ACER3: variants seen among roughly 807,000 people sequenced by gnomAD.
The protein encoded by ACER3 is alkCDase 3.
Under a neutral mutation model 48.9 loss-of-function variants are expected in ACER3, and 16 were observed. The ratio of observed to expected loss-of-function variants is 0.33; its 90% CI spans 0.22 to 0.50. The LOEUF (loss-of-function observed/expected upper bound fraction) is 0.50. Among genes scored for constraint, ACER3 ranks in the 20% least tolerant of loss-of-function variants. The pLI, the probability that ACER3 is intolerant of heterozygous loss-of-function variation, is 0.98. For missense variants in ACER3, 227 were observed against 326.0 expected, an observed-to-expected ratio of 0.70 and a Z score of 2.34; for synonymous variants, 109 against 107.8, an observed-to-expected ratio of 1.01 and a Z score of -0.07.
intron 2 of ACER3, among the ~76,000 whole-genome samples, chr11:76,939,679 A>G (rs1947287933): frequency 6.6e-6 from 1 of 152,216 alleles, no homozygotes; most frequent in Non-Finnish European, 1.5e-5. Flanking sequence ...ACATCATTAT[A>G]CAGTATTATT....
chr11:76,903,360 A>C (rs1320147165), intron 1 of ACER3, among the ~76,000 whole-genome samples: 1 of 152,164 alleles, frequency 6.6e-6, no homozygotes, highest in Non-Finnish European at 1.5e-5. Flanking sequence ...GCAAAAAAGG[A>C]AATGCAACAC....
At chr11:76,863,426 A>G (rs933437975) in intron 1 of ACER3, among the ~76,000 whole-genome samples, 1 of 152,136 alleles carries the variant, frequency 6.6e-6, no homozygotes, top group Non-Finnish European at 1.5e-5. Context: ...CAAGAAGAGG[A>G]TGAGTGAATG....
chr11:76,901,417 TTG>T (rs1946079750), intron 1 of ACER3, among the ~76,000 whole-genome samples: 1 of 152,220 alleles, frequency 6.6e-6, no homozygotes, highest in Non-Finnish European at 1.5e-5. Context: ...GAAGCTGGTT[TTG>T]TCTTTTCCCT....
intron 1 of ACER3, among the ~76,000 whole-genome samples, chr11:76,902,979 G>A (rs145924567): frequency 1.4e-3 from 217 of 152,194 alleles, no homozygotes; most frequent in African/African-American, 5.0e-3. Flanking sequence ...AAGTATATGT[G>A]TAAGTTTCGA....
Position 76,908,148 on chromosome 11 carries a change from A to G in ACER3, c.104-18409A>G, listed in dbSNP as rs373121344. Among the ~76,000 whole-genome samples, 13 of 150,282 alleles carry G rather than the reference A, an allele frequency of 8.7e-5. 1 individual carries two copies. Among genetic ancestry groups the G allele is most frequent in the East Asian group, 8.0e-4 (4 of 4,980 alleles). On this transcript the variant is annotated intron_variant, in intron 1 of 10. Coordinates refer to ENST00000532485, the MANE Select transcript of ACER3 (RefSeq NM_018367.7). ...CTACTTGGGAGGCTGAGGTAGGAGA[A>G]TCACTTGAACCTGGGAGGTGGAGGT...
At chr11:77,002,452 C>T (rs1555020040) in intron 7 of ACER3, among the ~76,000 whole-genome samples, 1 of 152,114 alleles carries the variant, frequency 6.6e-6, no homozygotes, top group Non-Finnish European at 1.5e-5. Flanking sequence ...CTGGGATAAA[C>T]CTTACTTATG....
chr11:77,012,773 A>C (rs1949296511), intron 7 of ACER3, among the ~76,000 whole-genome samples: 2 of 152,188 alleles, frequency 1.3e-5, no homozygotes. Context: ...GCTTTTTAGT[A>C]AAAATGGAGA....
chr11:76,983,595 G>A (rs370648323), intron 4 of ACER3, among the ~76,000 whole-genome samples: 7 of 151,916 alleles, frequency 4.6e-5, no homozygotes, highest in African/African-American at 1.2e-4. Context: ...AATTACAGGC[G>A]TAAGCCACTG....
rs1473413263 is a variant in ACER3, at chr11:76,992,044, A to G, written c.438+1470A>G. ...GGAGTTCGAGACTAACCTGGGAAAC[A>G]TAGCAAAAAAAGAAAAAAAAAATCG... On this transcript the variant is annotated intron_variant, in intron 6 of 10. Transcript: ENST00000532485. Among the ~76,000 whole-genome samples the G allele has an allele frequency of 2.6e-5, 4 of 151,296 alleles. No individual in the cohort carries two copies. The East Asian group carries it at 7.9e-4, about 30-fold the overall frequency.
At chr11:76,880,174 A>T (rs1014053420) in intron 1 of ACER3, among the ~76,000 whole-genome samples, 2 of 151,814 alleles carry the variant, frequency 1.3e-5, no homozygotes, top group Non-Finnish European at 2.9e-5. Flanking sequence ...TCTATTGTTT[A>T]TTTTTTCCTT....
At chr11:76,868,357 A>G (rs1945148689) in intron 1 of ACER3, 2 of 1,129,348 alleles carry the variant, frequency 1.8e-6, no homozygotes, top group Admixed American at 3.1e-5. Flanking sequence ...TGAGTGTACA[A>G]AAGAGTTTAG....
chr11:76,897,828 T>C (rs972661318), intron 1 of ACER3, among the ~76,000 whole-genome samples: 5 of 152,202 alleles, frequency 3.3e-5, no homozygotes, highest in African/African-American at 1.2e-4. Context: ...ATGTGGTTGA[T>C]GAAAAAAGCG....
intron 6 of ACER3, among the ~76,000 whole-genome samples, chr11:76,992,263 T>C (rs1345330212): frequency 6.6e-6 from 1 of 152,136 alleles, no homozygotes; most frequent in Admixed American, 6.6e-5. Context: ...TATAAATACC[T>C]CAGTTTTTAT....
intron 4 of ACER3, among the ~76,000 whole-genome samples, chr11:76,983,253 G>A (rs1948622823): frequency 6.6e-6 from 1 of 152,152 alleles, no homozygotes; most frequent in South Asian, 2.1e-4. Context: ...GTGATTTTAA[G>A]TGAATTGATC....
chr11:76,942,439 A>T (rs1297564266), intron 2 of ACER3, among the ~76,000 whole-genome samples: 2 of 151,562 alleles, frequency 1.3e-5, no homozygotes, highest in African/African-American at 4.8e-5. Context: ...TTTGTTCTTC[A>T]TTCTTTTTAT....
chr11:76,869,049 C>T (rs1235990755), intron 1 of ACER3, among the ~76,000 whole-genome samples: 1 of 152,134 alleles, frequency 6.6e-6, no homozygotes, highest in Non-Finnish European at 1.5e-5. Flanking sequence ...ACCTGTTTAC[C>T]TGGGTTCTGT....
At chr11:76,974,813 G>A (rs143445217) in intron 3 of ACER3, among the ~76,000 whole-genome samples, 218 of 151,990 alleles carry the variant, frequency 1.4e-3, no homozygotes, top group African/African-American at 5.0e-3. Flanking sequence ...GTAAGTTATA[G>A]CTTAAAAAAA....
chr11:76,866,548 A>G (rs927379581), intron 1 of ACER3, among the ~76,000 whole-genome samples: 5 of 152,254 alleles, frequency 3.3e-5, no homozygotes, highest in African/African-American at 1.2e-4. Context: ...CACAATTAGT[A>G]TACAGTGGTA....
intron 2 of ACER3, among the ~76,000 whole-genome samples, chr11:76,955,952 C>T (rs1947828507): frequency 1.3e-5 from 2 of 152,176 alleles, no homozygotes; most frequent in African/African-American, 4.8e-5. Flanking sequence ...ACATAAAAGA[C>T]TACATGATGT....
Sources: gnomAD v4.1 joint callset for allele counts (sites outside exome capture counted in the v4.1 genomes callset) on GRCh38, gnomAD v4.1.1 for gene constraint, MANE v1.5 for transcripts, NCBI Gene and HGNC (gene_info 2026-07-23, HGNC 2026-07-21) for gene names.